The following CNTN5 variants were observed in gnomAD, a reference collection of about 807,000 sequenced individuals.
CNTN5 encodes the protein contactin 5.
A neutral mutation model predicts 129.1 loss-of-function variants in CNTN5; 77 were observed. The observed-to-expected ratio is 0.60, with a 90% confidence interval of 0.50 to 0.72. The LOEUF (loss-of-function observed/expected upper bound fraction) is 0.72. Ranked by LOEUF, CNTN5 falls within the 30% of genes least tolerant of loss-of-function variation. The probability of loss-of-function intolerance (pLI) is 0.00; values close to 1 mark genes in which losing one functional copy is unlikely to be tolerated. For missense variants in CNTN5, 1,478 were observed against 1,328.8 expected, an observed-to-expected ratio of 1.11 and a Z score of -1.75; for synonymous variants, 509 against 465.6, an observed-to-expected ratio of 1.09 and a Z score of -1.20.
intron 1 of CNTN5, among the ~76,000 whole-genome samples, chr11:99,122,056 C>T (rs1591229235): frequency 6.6e-6 from 1 of 151,940 alleles, no homozygotes; most frequent in Admixed American, 6.6e-5. Flanking sequence ...CACATGTATA[C>T]ATGTGCCATG....
At chr11:99,041,253 T>C in intron 1 of CNTN5, among the ~76,000 whole-genome samples, 1 of 152,160 alleles carries the variant, frequency 6.6e-6, no homozygotes, top group East Asian at 1.9e-4. Context: ...TGTTCAATCA[T>C]TTATTCTCTC....
At chr11:99,293,160 C>T (rs1458423386) in intron 1 of CNTN5, among the ~76,000 whole-genome samples, 4 of 151,930 alleles carry the variant, frequency 2.6e-5, no homozygotes, top group African/African-American at 9.7e-5. Flanking sequence ...TATTGAATGC[C>T]TTTGGGGCAT....
chr11:99,624,539 A>G (rs928595604), intron 3 of CNTN5, among the ~76,000 whole-genome samples: 1 of 152,132 alleles, frequency 6.6e-6, no homozygotes, highest in Non-Finnish European at 1.5e-5. Flanking sequence ...AAAATTTGAG[A>G]AAAATAACAA....
At chr11:100,126,005 T>C (rs1404191523) in intron 13 of CNTN5, among the ~76,000 whole-genome samples, 3 of 152,144 alleles carry the variant, frequency 2.0e-5, no homozygotes, top group East Asian at 1.9e-4. Flanking sequence ...TGTGTGTATC[T>C]ATTTTCATTT....
chr11:99,816,211 G>C (rs180850590), intron 3 of CNTN5, among the ~76,000 whole-genome samples: 2 of 151,812 alleles, frequency 1.3e-5, no homozygotes, highest in African/African-American at 4.8e-5. Flanking sequence ...TTCCAGATTC[G>C]AGTAGCTCTG....
intron 2 of CNTN5, among the ~76,000 whole-genome samples, chr11:99,413,247 A>G (rs7944033): frequency 0.75 from 114,166 of 152,154 alleles, 43,809 homozygotes; most frequent in African/African-American, 0.91. Flanking sequence ...ACAGGCAATA[A>G]ACACAAAAGC....
chr11:99,904,064 TTTTC>T (rs1949429572), intron 6 of CNTN5, among the ~76,000 whole-genome samples: 1 of 152,132 alleles, frequency 6.6e-6, no homozygotes, highest in African/African-American at 2.4e-5. Flanking sequence ...GATATTTTTG[TTTTC>T]TTTTATTGCT....
At chr11:100,228,303 T>C (rs1591413660) in intron 16 of CNTN5, among the ~76,000 whole-genome samples, 1 of 152,298 alleles carries the variant, frequency 6.6e-6, no homozygotes, top group East Asian at 1.9e-4. Flanking sequence ...ACAACTTACA[T>C]GATGAATCCA....
chr11:99,526,136 T>C (rs940835171), intron 2 of CNTN5, among the ~76,000 whole-genome samples: 15 of 152,248 alleles, frequency 9.9e-5, no homozygotes, highest in African/African-American at 3.6e-4. Context: ...TGTCAGTCTA[T>C]TGATACCATA....
chr11:100,157,878 TTTACCCCTATTTTGCATTA>T (rs1425084607), intron 13 of CNTN5, among the ~76,000 whole-genome samples: 1 of 151,790 alleles, frequency 6.6e-6, no homozygotes, highest in East Asian at 1.9e-4. Context: ...AAGGAAGAAA[TTTACCCCTATTTTGCATTA>T]TACTCAAAAA....
chr11:99,850,441 T>C (rs1947836828), intron 6 of CNTN5, among the ~76,000 whole-genome samples: 1 of 152,070 alleles, frequency 6.6e-6, no homozygotes, highest in African/African-American at 2.4e-5. Context: ...AAAAATAAAA[T>C]TATATATAGC....
chr11:99,116,803 A>C (rs1858067423), intron 1 of CNTN5, among the ~76,000 whole-genome samples: 1 of 152,216 alleles, frequency 6.6e-6, no homozygotes, highest in Non-Finnish European at 1.5e-5. Context: ...GAATACATTT[A>C]GATAGAAGAA....
At chr11:99,276,967 T>C in intron 1 of CNTN5, among the ~76,000 whole-genome samples, 1 of 151,658 alleles carries the variant, frequency 6.6e-6, no homozygotes, top group East Asian at 1.9e-4. Flanking sequence ...TATTAGGATA[T>C]GTGATATAAA....
intron 1 of CNTN5, among the ~76,000 whole-genome samples, chr11:99,158,551 A>G (rs984643672): frequency 3.9e-5 from 6 of 152,138 alleles, no homozygotes; most frequent in Admixed American, 2.0e-4. Flanking sequence ...TTTTTTGCAT[A>G]TAACAAAGGA....
chr11:99,448,745 ATTTT>A (rs1944176420), intron 2 of CNTN5, among the ~76,000 whole-genome samples: 1 of 142,306 alleles, frequency 7.0e-6, no homozygotes, highest in Non-Finnish European at 1.5e-5. Flanking sequence ...ATTTTATTTT[ATTTT>A]ATTTTATTTT....
chr11:99,596,669 C>T (rs1272382799), intron 3 of CNTN5, among the ~76,000 whole-genome samples: 2 of 152,122 alleles, frequency 1.3e-5, no homozygotes, highest in African/African-American at 2.4e-5. Context: ...GAGGAAAAAA[C>T]ATATTTGTTC....
intron 6 of CNTN5, among the ~76,000 whole-genome samples, chr11:99,911,684 T>G (rs570303559): frequency 6.6e-6 from 1 of 151,786 alleles, no homozygotes; most frequent in Non-Finnish European, 1.5e-5. Flanking sequence ...TTCAGGTGTT[T>G]GTGTGTGGGT....
rs148301056 is a variant in CNTN5, at chr11:99,206,748, G to A, written c.-209-118598G>A. Reference sequence around the variant, plus strand: ...CTTTCACTGAAATATCTTTAAGCAAGTTAAGCAAGGATTTTGGATAACAAT... The same window carrying A: ...CTTTCACTGAAATATCTTTAAGCAAATTAAGCAAGGATTTTGGATAACAAT... On this transcript the variant is annotated intron_variant, in intron 1 of 24. Coordinates refer to ENST00000524871, the MANE Select transcript of CNTN5 (RefSeq NM_014361.4). 5.9e-5 allele frequency among the ~76,000 whole-genome samples: 9 copies of A among 152,200 alleles called. No homozygotes were observed. The East Asian group carries it at 1.7e-3, about 29-fold the overall frequency.
At chr11:99,567,873 G>A (rs547225614) in intron 3 of CNTN5, among the ~76,000 whole-genome samples, 1 of 152,036 alleles carries the variant, frequency 6.6e-6, no homozygotes, top group Non-Finnish European at 1.5e-5. Context: ...GTGGGAACTG[G>A]ATTACCTGAA....
Sources: gnomAD v4.1 joint callset for allele counts (sites outside exome capture counted in the v4.1 genomes callset) on GRCh38, gnomAD v4.1.1 for gene constraint, MANE v1.5 for transcripts, NCBI Gene and HGNC (gene_info 2026-07-23, HGNC 2026-07-21) for gene names.